NRXN3: variants seen among roughly 807,000 people sequenced by gnomAD.
NRXN3 encodes neurexin III.
A neutral mutation model predicts 137.6 loss-of-function variants in NRXN3; 32 were observed. That is an observed-to-expected ratio of 0.23 (90% CI 0.18 to 0.31). NRXN3 has a LOEUF of 0.31. Among genes scored for constraint, NRXN3 ranks in the 10% least tolerant of loss-of-function variants. NRXN3 has a pLI of 1.00. For missense variants in NRXN3, 1,574 were observed against 2,062.5 expected (o/e 0.76, Z 4.59); for synonymous variants, 798 against 784.5 (o/e 1.02, Z -0.29).
intron 10 of NRXN3, among the ~76,000 whole-genome samples, chr14:78,942,665 C>A (rs2099355406): frequency 6.6e-6 from 1 of 151,842 alleles, no homozygotes; most frequent in Non-Finnish European, 1.5e-5. Flanking sequence ...ATAAAAGACA[C>A]AAAATTACAG....
chr14:78,701,639 G>A (rs191260886), intron 6 of NRXN3, among the ~76,000 whole-genome samples: 2 of 152,282 alleles, frequency 1.3e-5, no homozygotes, highest in Admixed American at 1.3e-4. Context: ...CAGAGATGGT[G>A]GCCCCATCTG....
At chr14:79,257,243 T>C (rs766358320) in intron 15 of NRXN3, among the ~76,000 whole-genome samples, 5 of 151,814 alleles carry the variant, frequency 3.3e-5, no homozygotes, top group Admixed American at 1.3e-4. Flanking sequence ...CCGTTCATGC[T>C]GAGTGGAGTG....
At chr14:78,393,178 A>C (rs149394845) in intron 4 of NRXN3, among the ~76,000 whole-genome samples, 69 of 150,016 alleles carry the variant, frequency 4.6e-4, no homozygotes, top group African/African-American at 1.6e-3. Flanking sequence ...GTGAAAATAC[A>C]TGTGATTTTT....
intron 15 of NRXN3, among the ~76,000 whole-genome samples, chr14:79,344,495 C>T (rs777454929): frequency 2.0e-5 from 3 of 152,114 alleles, no homozygotes; most frequent in Admixed American, 6.5e-5. Flanking sequence ...AAGATACTGC[C>T]AAAATGGTTT....
At chr14:78,290,441 G>C (rs1482442854) in intron 3 of NRXN3, among the ~76,000 whole-genome samples, 1 of 152,130 alleles carries the variant, frequency 6.6e-6, no homozygotes, top group Non-Finnish European at 1.5e-5. Flanking sequence ...GTAGATTCAG[G>C]TTCACAGTGA....
chr14:78,965,430 T>C (rs2099415632), intron 11 of NRXN3, among the ~76,000 whole-genome samples: 1 of 152,132 alleles, frequency 6.6e-6, no homozygotes. Context: ...CATTGAGTGG[T>C]CTAGGCTGAG....
chr14:79,550,094 C>A (rs1249718932), intron 16 of NRXN3, among the ~76,000 whole-genome samples: 1 of 152,050 alleles, frequency 6.6e-6, no homozygotes, highest in African/African-American at 2.4e-5. Context: ...CTCAGCCTCC[C>A]GAATAGCTGG....
chr14:79,365,584 T>C (rs2093849338), intron 15 of NRXN3, among the ~76,000 whole-genome samples: 2 of 150,690 alleles, frequency 1.3e-5, no homozygotes, highest in African/African-American at 4.9e-5. Flanking sequence ...CCGGGCGCGG[T>C]GGCGGGCGCC....
intron 4 of NRXN3, among the ~76,000 whole-genome samples, chr14:78,368,322 C>T (rs1397364379): frequency 4.6e-5 from 7 of 152,190 alleles, no homozygotes; most frequent in African/African-American, 1.7e-4. Context: ...GCAGGCGCAA[C>T]ACCAGATTGT....
chr14:79,657,922 A>AT (rs981956976), intron 16 of NRXN3, among the ~76,000 whole-genome samples: 2 of 152,116 alleles, frequency 1.3e-5, no homozygotes, highest in African/African-American at 4.8e-5. Flanking sequence ...GATTCTTCTA[A>AT]TTTTTTTAAA....
rs577987938 is a variant in NRXN3 at position 78,842,593 on chromosome 14, G to A, written c.2275+32249G>A. 7.9e-5 allele frequency among the ~76,000 whole-genome samples: 12 copies of A among 152,232 alleles called. No homozygotes were observed. The South Asian group carries it at 2.1e-3, about 26-fold the overall frequency. Reference sequence around the variant, plus strand: ...ATTGATAACATCTTATCAGGAGACAGGGTTTGAGAGCAGACAACCAGTCTG... The same window carrying A: ...ATTGATAACATCTTATCAGGAGACAAGGTTTGAGAGCAGACAACCAGTCTG... On this transcript the variant is annotated intron_variant, in intron 10 of 20. Transcript: ENST00000335750.
In NRXN3 at chr14:78,242,379, C is replaced by G. The variant is rs927835229; in HGVS notation, c.-703-12C>G. On this transcript the variant is annotated splice_polypyrimidine_tract_variant and intron_variant, in intron 1 of 20. Coordinates refer to ENST00000335750, the MANE Select transcript of NRXN3 (RefSeq NM_001330195.2). ...AATCTTCCTCTCCTTCTCCCTCCCC[C>G]TCTTCCCACAGGTCTTTTCTCTGGA... 6.6e-6 allele frequency: 1 copy of G among 152,330 alleles called. No individual in the cohort carries two copies. 9.4% of individuals were successfully genotyped at this position (152,330 alleles called of 1,614,324 possible). A position where few individuals can be genotyped will look rare whatever the true frequency, so the allele number is the denominator to read the frequency against.
At chr14:79,118,584 G>A (rs368365024) in intron 15 of NRXN3, among the ~76,000 whole-genome samples, 8 of 152,212 alleles carry the variant, frequency 5.3e-5, no homozygotes, top group African/African-American at 7.2e-5. Context: ...ATGCAGGCAA[G>A]CCTCAAGCCC....
At chr14:78,879,547 C>T (rs1232420986) in intron 10 of NRXN3, among the ~76,000 whole-genome samples, 1 of 152,078 alleles carries the variant, frequency 6.6e-6, no homozygotes. Context: ...TATTTAGATC[C>T]TTTGCTTATT....
chr14:79,570,029 C>A (rs2097584961), intron 16 of NRXN3, among the ~76,000 whole-genome samples: 1 of 152,146 alleles, frequency 6.6e-6, no homozygotes, highest in Non-Finnish European at 1.5e-5. Flanking sequence ...AGCATTAATT[C>A]TTGTCATTTG....
chr14:78,834,741 G>T (rs1312000403), intron 10 of NRXN3, among the ~76,000 whole-genome samples: 2 of 152,116 alleles, frequency 1.3e-5, no homozygotes, highest in East Asian at 3.9e-4. Context: ...AACCTGAATT[G>T]TGCAGATACT....
chr14:79,275,736 G>A (rs77374624), intron 15 of NRXN3, among the ~76,000 whole-genome samples: 122 of 151,628 alleles, frequency 8.0e-4, no homozygotes, highest in South Asian at 2.1e-4. Flanking sequence ...GAGGATGGGG[G>A]GGGGGACATT....
intron 4 of NRXN3, among the ~76,000 whole-genome samples, chr14:78,562,396 C>CAAAAAAAAAAA (rs752464669): frequency 2.0e-5 from 1 of 49,470 alleles, no homozygotes; most frequent in Non-Finnish European, 4.4e-5. Context: ...ACTTATATCT[C>CAAAAAAAAAAA]AAAAAAAAAA....
At chr14:79,773,421 A>G (rs2099085780) in intron 19 of NRXN3, among the ~76,000 whole-genome samples, 2 of 152,182 alleles carry the variant, frequency 1.3e-5, no homozygotes, top group Admixed American at 1.3e-4. Flanking sequence ...AATGTGGCAC[A>G]TATACACCAT....
Sources: gnomAD v4.1 joint callset for allele counts (sites outside exome capture counted in the v4.1 genomes callset) on GRCh38, gnomAD v4.1.1 for gene constraint, MANE v1.5 for transcripts, NCBI Gene and HGNC (gene_info 2026-07-23, HGNC 2026-07-21) for gene names.